DCAF1: variants seen among roughly 807,000 people sequenced by gnomAD.
DCAF1 encodes the protein DDB1 and CUL4 associated factor 1.
DCAF1 carries 15 observed loss-of-function variants against 128.0 expected under a neutral mutation model. The ratio of observed to expected loss-of-function variants is 0.12; its 90% CI spans 0.08 to 0.18. DCAF1 has a LOEUF of 0.18. DCAF1 is among the 10% of genes least tolerant of loss of function. The pLI, the probability that DCAF1 is intolerant of heterozygous loss-of-function variation, is 1.00. For synonymous variants in DCAF1, 610 were observed against 603.0 expected, an observed-to-expected ratio of 1.01 and a Z score of -0.17; for missense variants, 988 against 1,649.5, an observed-to-expected ratio of 0.60 and a Z score of 6.95.
At chr3:51,437,266 CAAAAA>C (rs71633071) in intron 9 of DCAF1, 1,674 of 253,726 alleles carry the variant, frequency 6.6e-3, no homozygotes, top group South Asian at 7.2e-3. Flanking sequence ...GACTCCATGT[CAAAAA>C]AAAAAAAAAA....
intron 22 of DCAF1, 120 bp from the exon 23 acceptor site, chr3:51,412,600 G>A (rs1045439979): frequency 8.8e-6 from 13 of 1,474,906 alleles, no homozygotes; most frequent in African/African-American, 8.4e-5. Context: ...TCTGATACCC[G>A]AAATTCTTGA....
chr3:51,412,692 C>T (rs1278807942), intron 22 of DCAF1, among the ~76,000 whole-genome samples: 1 of 152,202 alleles, frequency 6.6e-6, no homozygotes, highest in East Asian at 1.9e-4. Flanking sequence ...AACCATCACC[C>T]TTGGAACAAA....
intron 6 of DCAF1, among the ~76,000 whole-genome samples, chr3:51,453,155 G>A (rs377343283): frequency 8.0e-4 from 121 of 152,036 alleles, no homozygotes; most frequent in African/African-American, 2.7e-3. Context: ...AGTCTCACAC[G>A]GGTTGCTAAC....
chr3:51,444,255 T>A (rs1398352862), intron 6 of DCAF1, among the ~76,000 whole-genome samples: 1 of 152,008 alleles, frequency 6.6e-6, no homozygotes, highest in Admixed American at 6.6e-5. Flanking sequence ...TCACTGAAAG[T>A]ATCTCTCACA....
At chr3:51,443,329 G>A (rs1243028505) in intron 7 of DCAF1, among the ~76,000 whole-genome samples, 11 of 152,050 alleles carry the variant, frequency 7.2e-5, no homozygotes, top group African/African-American at 2.7e-4. Context: ...GGTGGCTCAC[G>A]CTTGTAATCC....
intron 3 of DCAF1, among the ~76,000 whole-genome samples, chr3:51,474,141 C>T (rs973943090): frequency 1.3e-5 from 2 of 151,876 alleles, no homozygotes; most frequent in Admixed American, 6.6e-5. Context: ...CTCTCCTGGC[C>T]GGCGCCGTGG....
intron 13 of DCAF1, 52 bp downstream of exon 13, chr3:51,427,320 C>A: frequency 1.5e-6 from 1 of 645,544 alleles, no homozygotes; most frequent in South Asian, 1.9e-5. Context: ...CCAACATCAA[C>A]TTTAACAAAA....
chr3:51,403,965 T>C (rs1466898462), intron 23 of DCAF1, among the ~76,000 whole-genome samples: 1 of 152,360 alleles, frequency 6.6e-6, no homozygotes, highest in Non-Finnish European at 1.5e-5. Context: ...GAAACCCATA[T>C]TTCCTGTCAT....
intron 9 of DCAF1, among the ~76,000 whole-genome samples, chr3:51,434,542 G>T (rs1700651460): frequency 6.6e-6 from 1 of 152,108 alleles, no homozygotes; most frequent in Non-Finnish European, 1.5e-5. Context: ...TTCCCTAATG[G>T]ACTTTTGCTA....
At chr3:51,486,240 T>C (rs2108460419) in intron 2 of DCAF1, among the ~76,000 whole-genome samples, 1 of 151,118 alleles carries the variant, frequency 6.6e-6, no homozygotes, top group South Asian at 2.1e-4. Context: ...CCTCCCAGGC[T>C]TGAGTGCAGT....
intron 24 of DCAF1, 142 bp from the exon 25 acceptor site, chr3:51,398,969 A>G (rs2106734772): frequency 9.5e-7 from 1 of 1,054,538 alleles, no homozygotes; most frequent in East Asian, 2.6e-5. Context: ...ACATCAATTA[A>G]CTCCTTGGAG....
chr3:51,499,750 C>A (rs1455395140), intron 1 of DCAF1, 123 bp downstream of exon 1: 1 of 151,670 alleles, frequency 6.6e-6, no homozygotes, highest in Non-Finnish European at 1.5e-5. Context: ...CCCTCCTCGC[C>A]GGCGGCCCAA....
At chr3:51,419,259 G>A (rs1319650294) in intron 15 of DCAF1, among the ~76,000 whole-genome samples, 2 of 152,000 alleles carry the variant, frequency 1.3e-5, no homozygotes, top group African/African-American at 2.4e-5. Context: ...TACTCAGGAG[G>A]CTGAGGCAGG....
chr3:51,474,613 T>C (rs1198431474), intron 3 of DCAF1, among the ~76,000 whole-genome samples: 1 of 151,866 alleles, frequency 6.6e-6, no homozygotes, highest in Non-Finnish European at 1.5e-5. Flanking sequence ...ATGGTTTTTT[T>C]TTTTTTAATG....
intron 6 of DCAF1, among the ~76,000 whole-genome samples, chr3:51,446,334 TG>T (rs1478656099): frequency 1.3e-5 from 2 of 152,190 alleles, no homozygotes; most frequent in African/African-American, 4.8e-5. Context: ...TACTTAAGGC[TG>T]GGAGCAGTGG....
chr3:51,478,407 G>A (rs180956959), intron 3 of DCAF1, among the ~76,000 whole-genome samples: 2 of 152,262 alleles, frequency 1.3e-5, no homozygotes, highest in South Asian at 2.1e-4. Flanking sequence ...TGAAAAAGTT[G>A]AGGATAAAAT....
At chr3:51,402,768 T>C (rs2089818835) in intron 24 of DCAF1, among the ~76,000 whole-genome samples, 1 of 152,010 alleles carries the variant, frequency 6.6e-6, no homozygotes, top group African/African-American at 2.4e-5. Flanking sequence ...GAGACAGGAT[T>C]TCATCATGTT....
chr3:51,502,149 G>A (rs1363500970), upstream of DCAF1, among the ~76,000 whole-genome samples: 2 of 152,166 alleles, frequency 1.3e-5, no homozygotes, highest in Non-Finnish European at 2.9e-5. Context: ...GCTGGCTGGG[G>A]TCCTAAGAGG....
chr3:51,403,549 G>A (rs1360774883), intron 23 of DCAF1, among the ~76,000 whole-genome samples, 154 bp from the exon 24 acceptor site: 1 of 152,200 alleles, frequency 6.6e-6, no homozygotes, highest in Non-Finnish European at 1.5e-5. Context: ...AGCCAGACTT[G>A]TCAGTGATGG....
Sources: gnomAD v4.1 joint callset for allele counts (sites outside exome capture counted in the v4.1 genomes callset) on GRCh38, gnomAD v4.1.1 for gene constraint, MANE v1.5 for transcripts, NCBI Gene and HGNC (gene_info 2026-07-23, HGNC 2026-07-21) for gene names.